The following ANKS1B variants were observed in gnomAD, a reference collection of about 807,000 sequenced individuals.
The protein encoded by ANKS1B is ankyrin repeat and sterile alpha motif domain-containing protein 1B.
ANKS1B carries 36 observed loss-of-function variants against 148.3 expected under a neutral mutation model. The ratio of observed to expected loss-of-function variants is 0.24; its 90% CI spans 0.19 to 0.32. ANKS1B has a LOEUF of 0.32. ANKS1B is among the 10% of genes least tolerant of loss of function. The pLI is 1.00. For synonymous variants in ANKS1B, 542 were observed against 560.8 expected, an observed-to-expected ratio of 0.97 and a Z score of 0.47; for missense variants, 1,157 against 1,542.6, an observed-to-expected ratio of 0.75 and a Z score of 4.19.
At chr12:99,720,085 T>C (rs2057915740) in intron 8 of ANKS1B, among the ~76,000 whole-genome samples, 1 of 152,210 alleles carries the variant, frequency 6.6e-6, no homozygotes, top group African/African-American at 2.4e-5. Flanking sequence ...TACAAGCCAC[T>C]AGCCCATCTC....
intron 1 of ANKS1B, among the ~76,000 whole-genome samples, chr12:99,943,529 T>A (rs1484359309): frequency 6.6e-6 from 1 of 152,096 alleles, no homozygotes; most frequent in Non-Finnish European, 1.5e-5. Context: ...CTCACAATCA[T>A]GGCAGAAGGC....
In ANKS1B at chr12:99,207,018, G is replaced by A. The variant is rs117103784; in HGVS notation, c.2419+37324C>T. Among the ~76,000 whole-genome samples, 1,028 of 152,214 alleles carry A rather than the reference G, an allele frequency of 6.8e-3. 8 individuals carry two copies. Among genetic ancestry groups the A allele is most frequent in the Non-Finnish European group, 0.011 (771 of 68,012 alleles). On this transcript the variant is annotated intron_variant, in intron 14 of 26. Coordinates refer to ENST00000683438, the MANE Select transcript of ANKS1B (RefSeq NM_001352186.2). ...GGACTCTTAGAAGAATGATGGTTAC[G>A]ACAAGGTCTGTCTGGATTTGTAGAT... is the stretch of plus-strand genomic sequence containing the variant.
At chr12:99,751,157 T>C (rs2061070099) in intron 8 of ANKS1B, among the ~76,000 whole-genome samples, 1 of 152,040 alleles carries the variant, frequency 6.6e-6, no homozygotes, top group Non-Finnish European at 1.5e-5. Flanking sequence ...TTCTAAACTT[T>C]CTTTAACATT....
chr12:98,987,980 T>A (rs1248738993), intron 17 of ANKS1B, among the ~76,000 whole-genome samples: 2 of 152,230 alleles, frequency 1.3e-5, no homozygotes, highest in Admixed American at 1.3e-4. Context: ...AATTTAATTA[T>A]TTATCTATGT....
intron 12 of ANKS1B, among the ~76,000 whole-genome samples, chr12:99,274,065 T>C (rs2077388245): frequency 6.6e-6 from 1 of 152,112 alleles, no homozygotes; most frequent in African/African-American, 2.4e-5. Flanking sequence ...GGCATGCCCT[T>C]AAGGTCTTAG....
chr12:99,129,380 G>A (rs192238568), intron 15 of ANKS1B, among the ~76,000 whole-genome samples: 278 of 152,288 alleles, frequency 1.8e-3, no homozygotes, highest in African/African-American at 6.0e-3. Flanking sequence ...CATGGAGGGT[G>A]GGGCAAGACT....
chr12:99,840,256 A>C (rs990479837), intron 1 of ANKS1B, among the ~76,000 whole-genome samples: 2 of 152,166 alleles, frequency 1.3e-5, no homozygotes, highest in Non-Finnish European at 2.9e-5. Flanking sequence ...AATGGGCTTA[A>C]TGCTGAGGAA....
chr12:98,804,852 C>A (rs533714588), intron 20 of ANKS1B, among the ~76,000 whole-genome samples: 134 of 152,200 alleles, frequency 8.8e-4, no homozygotes, highest in African/African-American at 3.0e-3. Flanking sequence ...TCTCCTCAGG[C>A]AAATATTTTT....
At chr12:99,194,250 C>T (rs1021716672) in intron 14 of ANKS1B, among the ~76,000 whole-genome samples, 4 of 151,964 alleles carry the variant, frequency 2.6e-5, no homozygotes, top group Non-Finnish European at 5.9e-5. Context: ...CATATGAATA[C>T]ATGTATTTGT....
At chr12:99,110,321 C>T (rs1399931558) in intron 15 of ANKS1B, among the ~76,000 whole-genome samples, 1 of 152,112 alleles carries the variant, frequency 6.6e-6, no homozygotes, top group East Asian at 1.9e-4. Context: ...TAAGAAGGTG[C>T]AGAATTGCCA....
intron 17 of ANKS1B, among the ~76,000 whole-genome samples, chr12:98,919,906 G>T (rs767458910): frequency 1.3e-5 from 2 of 152,164 alleles, no homozygotes; most frequent in African/African-American, 2.4e-5. Flanking sequence ...GACTACACTC[G>T]AGACTTTCCA....
intron 17 of ANKS1B, among the ~76,000 whole-genome samples, chr12:99,037,905 A>G (rs1382545031): frequency 6.6e-6 from 1 of 152,226 alleles, no homozygotes; most frequent in African/African-American, 2.4e-5. Flanking sequence ...AAGTGCCGTG[A>G]CAAATAGCAG....
intron 1 of ANKS1B, among the ~76,000 whole-genome samples, chr12:99,974,060 T>C (rs2095595433): frequency 6.6e-6 from 1 of 152,196 alleles, no homozygotes; most frequent in African/African-American, 2.4e-5. Flanking sequence ...TGAAACTTCA[T>C]TACTGTCTCA....
chr12:99,320,144 T>A (rs897659167), intron 12 of ANKS1B, among the ~76,000 whole-genome samples: 1 of 152,182 alleles, frequency 6.6e-6, no homozygotes, highest in Non-Finnish European at 1.5e-5. Flanking sequence ...TCATTTCAAT[T>A]TTGGTGAATC....
chr12:98,749,081 G>A (rs997862249), intron 26 of ANKS1B, among the ~76,000 whole-genome samples: 3 of 151,982 alleles, frequency 2.0e-5, no homozygotes, highest in African/African-American at 7.3e-5. Flanking sequence ...ACACAGGTGG[G>A]GTCCCTGTGT....
chr12:98,870,137 A>G (rs138816123), intron 17 of ANKS1B, among the ~76,000 whole-genome samples: 334 of 152,350 alleles, frequency 2.2e-3, no homozygotes, highest in Admixed American at 4.8e-3. Flanking sequence ...ATTGTTTGAA[A>G]GATTCAATGT....
chr12:99,741,288 A>G (rs2060087426), intron 8 of ANKS1B, among the ~76,000 whole-genome samples: 1 of 151,830 alleles, frequency 6.6e-6, no homozygotes, highest in Non-Finnish European at 1.5e-5. Context: ...AGAAATAGGA[A>G]AGCTTTACAC....
chr12:99,442,549 A>G (rs2095566306), intron 11 of ANKS1B, among the ~76,000 whole-genome samples: 4 of 151,932 alleles, frequency 2.6e-5, no homozygotes, highest in Admixed American at 2.6e-4. Context: ...TGGACAATGT[A>G]GCCCCTTTGG....
chr12:99,701,371 G>A (rs1372560650), intron 8 of ANKS1B, among the ~76,000 whole-genome samples: 1 of 152,036 alleles, frequency 6.6e-6, no homozygotes, highest in Non-Finnish European at 1.5e-5. Flanking sequence ...TGCTGCTGCT[G>A]CTTTTTTTAA....
Sources: gnomAD v4.1 joint callset for allele counts (sites outside exome capture counted in the v4.1 genomes callset) on GRCh38, gnomAD v4.1.1 for gene constraint, MANE v1.5 for transcripts, NCBI Gene and HGNC (gene_info 2026-07-23, HGNC 2026-07-21) for gene names.